Variants in LIX1L observed in about 807,000 individuals in gnomAD.
The protein encoded by LIX1L is LIX1-like protein.
A neutral mutation model predicts 34.0 loss-of-function variants in LIX1L; 20 were observed. That is an observed-to-expected ratio of 0.59 (90% CI 0.41 to 0.85). The LOEUF is 0.85. Ranked by LOEUF, LIX1L falls within the 40% of genes least tolerant of loss-of-function variation. The probability of loss-of-function intolerance (pLI) is 0.00; values close to 1 mark genes in which losing one functional copy is unlikely to be tolerated. For synonymous variants in LIX1L, 170 were observed against 187.4 expected (o/e 0.91, Z 0.76); for missense variants, 397 against 447.0 (o/e 0.89, Z 1.01).
intron 1 of LIX1L, among the ~76,000 whole-genome samples, chr1:145,955,778 G>C (rs782152936): frequency 9.2e-5 from 14 of 152,154 alleles, no homozygotes; most frequent in Non-Finnish European, 1.8e-4. Flanking sequence ...TGGGGAGATA[G>C]GAAAGAAAAT....
intron 3 of LIX1L, among the ~76,000 whole-genome samples, chr1:145,938,472 T>C (rs782368699): frequency 7.9e-5 from 12 of 152,240 alleles, no homozygotes; most frequent in Admixed American, 3.9e-4. Context: ...TAAAGTCACT[T>C]AACCTCTCTG....
intron 1 of LIX1L, among the ~76,000 whole-genome samples, chr1:145,949,456 A>C (rs1489454390): frequency 6.6e-6 from 1 of 152,176 alleles, no homozygotes; most frequent in Non-Finnish European, 1.5e-5. Flanking sequence ...ATGATGAATA[A>C]AGGGAATTAA....
At chr1:145,956,844 AC>A (rs1649489501) in intron 1 of LIX1L, among the ~76,000 whole-genome samples, 1 of 152,244 alleles carries the variant, frequency 6.6e-6, no homozygotes, top group Non-Finnish European at 1.5e-5. Flanking sequence ...CCAGAAATTA[AC>A]GAAGTTTTCT....
At position 145,936,242 on chromosome 1, in the gene LIX1L, T is replaced by C. The variant is rs112462719; in HGVS notation, c.*68A>G. 9.7e-6 allele frequency: 15 copies of C among 1,543,388 alleles called. No individual in the cohort carries two copies. The highest frequency in any genetic ancestry group is 1.4e-5 in the African/African-American group (1 of 72,568). On this transcript the variant is annotated 3_prime_UTR_variant, in exon 6 of 6. Coordinates refer to ENST00000604000, the MANE Select transcript of LIX1L (RefSeq NM_153713.3). Reference sequence around the variant, plus strand: ...ATGAGAAAGTATGTACAAAAAATCATCCTAAATCTTAGAAAGGAGACATAA... The same window carrying C: ...ATGAGAAAGTATGTACAAAAAATCACCCTAAATCTTAGAAAGGAGACATAA...
chr1:145,954,872 C>T (rs935277815), intron 1 of LIX1L, among the ~76,000 whole-genome samples: 3 of 152,160 alleles, frequency 2.0e-5, no homozygotes, highest in Admixed American at 2.0e-4. Flanking sequence ...TTATAATACC[C>T]ATTTTACAAA....
rs587627662 is a variant in LIX1L at position 145,936,842 on chromosome 1, C to T, written c.771+66G>A. On this transcript the variant is annotated intron_variant, in intron 5 of 5. Coordinates refer to ENST00000604000, the MANE Select transcript of LIX1L (RefSeq NM_153713.3). ...TAGACCTTATTTCTAACATAGTAAC[C>T]ACCTCAAAAGAGTCCACTGACAGAT... is the stretch of plus-strand genomic sequence containing the variant. The T allele has an allele frequency of 1.5e-4, 167 of 1,116,522 alleles. No homozygotes were observed. The African/African-American group carries it at 2.2e-3, about 15-fold the overall frequency. 69.2% of individuals were successfully genotyped at this position (1,116,522 alleles called of 1,614,324 possible).
chr1:145,941,189 A>C (rs1648901491), intron 3 of LIX1L: 1 of 152,120 alleles, frequency 6.6e-6, no homozygotes, highest in Admixed American at 6.6e-5. Context: ...AACTTTCAAT[A>C]AAGTATTCAA....
In LIX1L at chr1:145,955,115, G is replaced by A. The variant is rs587741910; in HGVS notation, c.292+2521C>T. Among the ~76,000 whole-genome samples, 3 of 152,284 alleles carry A rather than the reference G, an allele frequency of 2.0e-5. 1 individual carries two copies. In the East Asian group the frequency reaches 5.8e-4, roughly 29 times the overall value. On this transcript the variant is annotated intron_variant, in intron 1 of 5. Coordinates refer to ENST00000604000, the MANE Select transcript of LIX1L (RefSeq NM_153713.3). ...AATAAATATTTGGTAAATGAATGAA[G>A]AGAACAGATGAAGCATAGAGAGATT...
At chr1:145,945,674 G>A (rs587726748) in intron 2 of LIX1L, among the ~76,000 whole-genome samples, 26 of 151,302 alleles carry the variant, frequency 1.7e-4, no homozygotes, top group African/African-American at 4.4e-4. Context: ...GCTTCAACCC[G>A]GGAGGCAGAG....
At chr1:145,949,474 T>C (rs587636249) in intron 1 of LIX1L, among the ~76,000 whole-genome samples, 109 of 152,216 alleles carry the variant, frequency 7.2e-4, no homozygotes, top group Non-Finnish European at 1.3e-3. Context: ...TAAGACCATA[T>C]GGCTATGAAA....
rs782753181 is a variant in LIX1L, at chr1:145,936,407, C to G, written c.917G>C (p.Arg306Pro). 6.2e-7 allele frequency: 1 copy of G among 1,614,156 alleles called. No individual in the cohort carries two copies. The highest frequency in any genetic ancestry group is 8.5e-7 in the Non-Finnish European group (1 of 1,180,036). ...GAAGCGCAGCTCCTTGCCTGCCAGTCGGGCTTCATCCAGCTCCCGCTCAGT... is the reference window on the plus strand; with the variant it reads ...GAAGCGCAGCTCCTTGCCTGCCAGTGGGGCTTCATCCAGCTCCCGCTCAGT... ...ASTERELDEA[R>P]LAGKELRFHK... The change falls in exon 6 of 6, where the codon CGA becomes CCA. Residue 306 changes from arginine to proline, a missense_variant. By Grantham distance (103) the Arg-to-Pro change is moderately radical. Around this residue, in one of 3 missense-constraint regions of LIX1L, gnomAD observed 174 missense variants for 204.0 expected, o/e 0.85. Coordinates refer to ENST00000604000, the MANE Select transcript of LIX1L (RefSeq NM_153713.3).
At chr1:145,946,651 A>G (rs1490782509) in intron 2 of LIX1L, among the ~76,000 whole-genome samples, 1 of 152,122 alleles carries the variant, frequency 6.6e-6, no homozygotes, top group Non-Finnish European at 1.5e-5. Flanking sequence ...AGGCACTAAG[A>G]TGGGTGGTAG....
At chr1:145,946,593 A>G (rs1649120240) in intron 2 of LIX1L, among the ~76,000 whole-genome samples, 1 of 152,194 alleles carries the variant, frequency 6.6e-6, no homozygotes, top group Non-Finnish European at 1.5e-5. Context: ...ACTAAGCTGC[A>G]ATGGCACTCA....
chr1:145,942,647 A>C (rs782034280), intron 3 of LIX1L, 66 bp downstream of exon 3: 11 of 1,447,844 alleles, frequency 7.6e-6, no homozygotes, highest in Non-Finnish European at 1.1e-5. Context: ...ACAGTAATTT[A>C]CGACTTCCCA....
At chr1:145,937,541 T>C in intron 4 of LIX1L, 63 bp downstream of exon 4, 1 of 957,636 alleles carries the variant, frequency 1.0e-6, no homozygotes, top group South Asian at 1.4e-5. Flanking sequence ...GTAGGAGCCA[T>C]TATATATTAC....
intron 5 of LIX1L, 103 bp from the exon 6 acceptor site, chr1:145,936,655 G>A: frequency 7.3e-7 from 1 of 1,376,290 alleles, no homozygotes. Flanking sequence ...AGACCTAACT[G>A]AGGTCAGCAC....
chr1:145,951,230 A>G (rs928046152), intron 1 of LIX1L, among the ~76,000 whole-genome samples: 4 of 152,182 alleles, frequency 2.6e-5, no homozygotes, highest in Non-Finnish European at 5.9e-5. Context: ...TATTTTTAGT[A>G]GAGACACGGT....
intron 3 of LIX1L, among the ~76,000 whole-genome samples, chr1:145,938,850 A>C (rs1459708784): frequency 6.6e-6 from 1 of 152,162 alleles, no homozygotes; most frequent in Non-Finnish European, 1.5e-5. Flanking sequence ...GGCCTCCCAA[A>C]GTGCTGGGAT....
intron 2 of LIX1L, 100 bp from the exon 3 acceptor site, chr1:145,942,953 G>T: frequency 8.7e-7 from 1 of 1,155,554 alleles, no homozygotes; most frequent in Non-Finnish European, 1.3e-6. Flanking sequence ...ACACTTGGAC[G>T]CTCTTTGGAT....
Sources: gnomAD v4.1 joint callset for allele counts (sites outside exome capture counted in the v4.1 genomes callset) on GRCh38, gnomAD v4.1.1 for gene constraint, gnomAD v4.1.1 regional missense constraint, MANE v1.5 for transcripts, NCBI Gene and HGNC (gene_info 2026-07-23, HGNC 2026-07-21) for gene names.